EPB41L5: variants seen among roughly 807,000 people sequenced by gnomAD.
EPB41L5 encodes erythrocyte membrane protein band 4.1 like 5, also known as band 4.1-like protein 5.
Under a neutral mutation model 106.6 loss-of-function variants are expected in EPB41L5, and 55 were observed. The observed-to-expected ratio is 0.52, with a 90% CI of 0.42 to 0.65. The LOEUF (loss-of-function observed/expected upper bound fraction) is 0.65, where lower values mean the gene tolerates loss of function less well. EPB41L5 is among the 30% of genes least tolerant of loss of function. The pLI is 0.00. For synonymous variants in EPB41L5, 297 were observed against 306.7 expected (o/e 0.97, Z 0.33); for missense variants, 871 against 882.1 (o/e 0.99, Z 0.16).
intron 24 of EPB41L5, among the ~76,000 whole-genome samples, chr2:120,169,113 ATAAAGGGCT>A (rs1439930643): frequency 1.3e-5 from 2 of 152,212 alleles, no homozygotes; most frequent in African/African-American, 4.8e-5. Context: ...GAAAGGAGTA[ATAAAGGGCT>A]TAAAGACATA....
At chr2:120,077,179 A>C (rs1333183662) in intron 8 of EPB41L5, 50 bp from the exon 9 acceptor site, 1 of 1,583,552 alleles carries the variant, frequency 6.3e-7, no homozygotes, top group Non-Finnish European at 8.6e-7. Flanking sequence ...TTGGTATAGA[A>C]TTTATTTTAT....
chr2:120,084,557 A>G (rs148675568), intron 10 of EPB41L5, among the ~76,000 whole-genome samples: 6,962 of 151,870 alleles, frequency 0.046, 228 homozygotes, highest in Non-Finnish European at 0.071. Flanking sequence ...TGCCCTTAAC[A>G]TTTTTTCCTT....
chr2:120,151,275 G>C (rs887244002), intron 20 of EPB41L5, among the ~76,000 whole-genome samples: 4 of 151,950 alleles, frequency 2.6e-5, no homozygotes, highest in African/African-American at 9.7e-5. Context: ...ACTCCAGCCT[G>C]GGCGACGGAG....
intron 22 of EPB41L5, among the ~76,000 whole-genome samples, chr2:120,167,252 A>T (rs1272731496): frequency 1.3e-5 from 2 of 152,246 alleles, no homozygotes; most frequent in African/African-American, 2.4e-5. Context: ...TCTCAAAATT[A>T]TGACACTTTC....
At chr2:120,162,117 G>A (rs1687161961) in intron 21 of EPB41L5, among the ~76,000 whole-genome samples, 1 of 152,148 alleles carries the variant, frequency 6.6e-6, no homozygotes, top group African/African-American at 2.4e-5. Context: ...GGCAGCCTAA[G>A]TGTCTCCAAT....
chr2:120,073,241 T>A, intron 4 of EPB41L5, 21 bp downstream of exon 4: 1 of 1,568,776 alleles, frequency 6.4e-7, no homozygotes, highest in Non-Finnish European at 8.7e-7. Context: ...ACAAAATTAT[T>A]TGTGGGGGGG....
At chr2:120,100,211 G>T in intron 14 of EPB41L5, 33 bp from the exon 15 acceptor site, 1 of 1,581,302 alleles carries the variant, frequency 6.3e-7, no homozygotes, top group Non-Finnish European at 8.7e-7. Context: ...ATTTCATATA[G>T]GGTTTTTAAT....
chr2:120,092,357 A>T (rs999352560), intron 13 of EPB41L5, among the ~76,000 whole-genome samples: 3 of 152,106 alleles, frequency 2.0e-5, no homozygotes, highest in Non-Finnish European at 4.4e-5. Flanking sequence ...TTTAAGTAAA[A>T]TTTATTTCAT....
rs116106304 is a variant in EPB41L5 at position 120,085,307 on chromosome 2, A to T, written c.804-1864A>T. On this transcript the variant is annotated intron_variant, in intron 10 of 24. Coordinates refer to ENST00000263713, the MANE Select transcript of EPB41L5 (RefSeq NM_020909.4). ...ATGTACGGATGGGGTTTCGATGCGG[A>T]TGTCCTTTCTGTTTGTTAGTTTTCC... Among the ~76,000 whole-genome samples the T allele has an allele frequency of 5.8e-3, 889 of 152,154 alleles. 9 individuals carry two copies. Among genetic ancestry groups the T allele is most frequent in the African/African-American group, 0.021 (851 of 41,492 alleles).
intron 10 of EPB41L5, among the ~76,000 whole-genome samples, chr2:120,079,124 A>G (rs577138622): frequency 6.6e-6 from 1 of 152,320 alleles, no homozygotes; most frequent in African/African-American, 2.4e-5. Flanking sequence ...GCTGAGAATC[A>G]GGGTACTGTT....
chr2:120,091,048 A>G (rs1683373887), intron 12 of EPB41L5, among the ~76,000 whole-genome samples: 2 of 152,168 alleles, frequency 1.3e-5, no homozygotes, highest in African/African-American at 4.8e-5. Flanking sequence ...TGGCCAGTTG[A>G]TTGTGTGGAG....
At chr2:120,163,498 T>TACAA (rs1380057106) in intron 21 of EPB41L5, among the ~76,000 whole-genome samples, 1 of 152,008 alleles carries the variant, frequency 6.6e-6, no homozygotes, top group Admixed American at 6.6e-5. Flanking sequence ...TGTATTATTT[T>TACAA]ACAAACAGAA....
At chr2:120,017,437 C>G (rs1677598055) in intron 1 of EPB41L5, among the ~76,000 whole-genome samples, 1 of 152,112 alleles carries the variant, frequency 6.6e-6, no homozygotes, top group Non-Finnish European at 1.5e-5. Context: ...TTCTTGTTTT[C>G]TTTGGAATTA....
At chr2:120,056,227 T>G (rs1381808301) in intron 3 of EPB41L5, among the ~76,000 whole-genome samples, 1 of 151,670 alleles carries the variant, frequency 6.6e-6, no homozygotes, top group Non-Finnish European at 1.5e-5. Context: ...ATATGGTATG[T>G]TATGTTGATT....
At chr2:120,042,995 ATGTG>A (rs60253351) in intron 3 of EPB41L5, among the ~76,000 whole-genome samples, 2,698 of 69,930 alleles carry the variant, frequency 0.039, 61 homozygotes, top group African/African-American at 0.076. Context: ...TTTTCTGGAA[ATGTG>A]TGTGTGTGTG....
intron 20 of EPB41L5, among the ~76,000 whole-genome samples, chr2:120,149,407 C>A (rs1686567803): frequency 6.6e-6 from 1 of 152,162 alleles, no homozygotes; most frequent in African/African-American, 2.4e-5. Flanking sequence ...TTCCCCTAAC[C>A]CTGAGGAAGT....
intron 3 of EPB41L5, among the ~76,000 whole-genome samples, chr2:120,055,185 A>T (rs563871977): frequency 5.9e-5 from 9 of 152,138 alleles, no homozygotes; most frequent in South Asian, 4.1e-4. Flanking sequence ...CTTTATGTTG[A>T]TCCTTATGCC....
rs546327961 is a variant in EPB41L5 at position 120,104,969 on chromosome 2, A to G, written c.1337+4155A>G. ...GGTTACATTACTACTGAATGGTTCT[A>G]TAAAATGAAAAACATATTTACTTTG... On this transcript the variant is annotated intron_variant, in intron 16 of 24. Coordinates refer to ENST00000263713, the MANE Select transcript of EPB41L5 (RefSeq NM_020909.4). 6 of 983,744 alleles carry G rather than the reference A, an allele frequency of 6.1e-6. No individual in the cohort carries two copies. The East Asian group carries it at 5.7e-4, about 93-fold the overall frequency. The allele number at this position is 983,744 out of a possible 1,614,324, so 60.9% of individuals were successfully genotyped here.
intron 14 of EPB41L5, among the ~76,000 whole-genome samples, chr2:120,099,462 C>G (rs1684000749): frequency 6.6e-6 from 1 of 151,680 alleles, no homozygotes; most frequent in African/African-American, 2.4e-5. Flanking sequence ...GAGTCTCGCC[C>G]TGTCGCCCAG....
Sources: allele counts gnomAD v4.1 joint callset (sites outside exome capture counted in the v4.1 genomes callset), GRCh38; gene constraint gnomAD v4.1.1; transcripts MANE v1.5; gene names NCBI Gene and HGNC (gene_info 2026-07-23, HGNC 2026-07-21).